UBR3: variants seen among roughly 807,000 people sequenced by gnomAD.
UBR3 encodes E3 ubiquitin-protein ligase UBR3.
UBR3 carries 85 observed loss-of-function variants against 243.2 expected under a neutral mutation model. That is an observed-to-expected ratio of 0.35 (90% CI 0.29 to 0.42). The LOEUF is 0.42. Among genes scored for constraint, UBR3 ranks in the 10% least tolerant of loss-of-function variants. The pLI is 1.00. For synonymous variants in UBR3, 748 were observed against 799.8 expected, an observed-to-expected ratio of 0.94 and a Z score of 1.09; for missense variants, 1,686 against 2,300.8, an observed-to-expected ratio of 0.73 and a Z score of 5.47.
At chr2:169,964,874 T>C in intron 24 of UBR3, 1 of 456,910 alleles carries the variant, frequency 2.2e-6, no homozygotes, top group South Asian at 1.5e-5. Flanking sequence ...GCAAATATGA[T>C]TGCTAGCAAA....
chr2:169,834,828 T>G (rs1362105988), intron 1 of UBR3, among the ~76,000 whole-genome samples: 1 of 152,210 alleles, frequency 6.6e-6, no homozygotes, highest in Non-Finnish European at 1.5e-5. Context: ...ATATTTAACC[T>G]TAAAAAGTAA....
intron 1 of UBR3, among the ~76,000 whole-genome samples, chr2:169,841,796 C>G (rs182708180): frequency 0.043 from 6,578 of 152,300 alleles, 162 homozygotes; most frequent in Middle Eastern, 0.068. Flanking sequence ...ACCTGCAGCC[C>G]GCCATGCCTA....
intron 23 of UBR3, 40 bp from the exon 24 acceptor site, chr2:169,958,398 G>A: frequency 6.3e-7 from 1 of 1,583,186 alleles, no homozygotes. Flanking sequence ...TAGGTCTTAA[G>A]CGCATCTGAT....
At chr2:169,916,380 G>C (rs2085465124) in intron 11 of UBR3, among the ~76,000 whole-genome samples, 1 of 151,954 alleles carries the variant, frequency 6.6e-6, no homozygotes, top group Non-Finnish European at 1.5e-5. Flanking sequence ...TCTCATCTCA[G>C]TTGCCTCTCT....
At chr2:169,961,287 A>G (rs957780) in intron 24 of UBR3, among the ~76,000 whole-genome samples, 26,197 of 151,960 alleles carry the variant, frequency 0.17, 2,476 homozygotes, top group Admixed American at 0.23. Context: ...ATTCTTACAT[A>G]TTAACGTCAT....
intron 24 of UBR3, among the ~76,000 whole-genome samples, chr2:169,975,596 A>G (rs1358918740): frequency 1.3e-5 from 2 of 152,062 alleles, no homozygotes; most frequent in East Asian, 1.9e-4. Context: ...CTTGATATCT[A>G]ATATTTGCTT....
At chr2:170,027,336 A>G (rs2090555498) in intron 30 of UBR3, among the ~76,000 whole-genome samples, 1 of 151,176 alleles carries the variant, frequency 6.6e-6, no homozygotes. Flanking sequence ...ATATAATATC[A>G]TCTTTCTGGT....
chr2:169,927,173 G>A (rs2085940889), intron 16 of UBR3, 147 bp from the exon 17 acceptor site: 4 of 937,232 alleles, frequency 4.3e-6, no homozygotes, highest in Admixed American at 5.6e-5. Context: ...CAGTTAAACT[G>A]CAGTTATGTT....
At chr2:169,999,611 T>G (rs1374038157) in intron 26 of UBR3, among the ~76,000 whole-genome samples, 2 of 152,252 alleles carry the variant, frequency 1.3e-5, no homozygotes, top group African/African-American at 4.8e-5. Flanking sequence ...GCCTTCATAT[T>G]GCTCTGGCCC....
At chr2:169,994,295 A>G in intron 25 of UBR3, 28 bp from the exon 26 acceptor site, 1 of 1,612,176 alleles carries the variant, frequency 6.2e-7, no homozygotes, top group Non-Finnish European at 8.5e-7. Flanking sequence ...ATTATTTTTG[A>G]TTAATGAGCT....
chr2:170,080,230 T>A, intron 37 of UBR3: 1 of 596,834 alleles, frequency 1.7e-6, no homozygotes, highest in Non-Finnish European at 2.8e-6. Context: ...AGTACAATTC[T>A]AGTTCTCCTT....
At chr2:169,847,863 A>G (rs2082534895) in intron 1 of UBR3, among the ~76,000 whole-genome samples, 1 of 152,204 alleles carries the variant, frequency 6.6e-6, no homozygotes, top group South Asian at 2.1e-4. Context: ...GGTAGTTTCC[A>G]TACAGTTATG....
At chr2:170,026,866 A>G (rs145771665) in intron 30 of UBR3, among the ~76,000 whole-genome samples, 3 of 152,144 alleles carry the variant, frequency 2.0e-5, no homozygotes, top group African/African-American at 7.2e-5. Flanking sequence ...TCTTCATCCT[A>G]CGTCTTTAAT....
intron 24 of UBR3, among the ~76,000 whole-genome samples, chr2:169,960,263 A>AT (rs1242393548): frequency 6.0e-5 from 9 of 149,836 alleles, no homozygotes; most frequent in African/African-American, 2.2e-4. Flanking sequence ...AAAAGATTGT[A>AT]TAAAATCACC....
At chr2:169,851,773 G>A (rs2082665562) in intron 1 of UBR3, among the ~76,000 whole-genome samples, 1 of 150,994 alleles carries the variant, frequency 6.6e-6, no homozygotes, top group South Asian at 2.1e-4. Context: ...GGGAGGCTGA[G>A]GTTGCAGTGA....
chr2:170,040,970 C>A lies in UBR3; in HGVS notation c.4645C>A (p.Gln1549Lys), dbSNP rs900464341. Residue 1549 changes from glutamine (Q) to lysine (K), a missense_variant, in exon 32 of 39, where the codon CAA becomes AAA. Physicochemically the swap from Gln to Lys is moderately conservative, Grantham distance 53 (BLOSUM62 1). This residue lies in a region of UBR3 where 371 missense variants were observed against 422.5 expected (regional missense o/e 0.88). Transcript: ENST00000272793. ...GCTCATCCAGATCTTAATGATGCCA[C>A]AACCCTTACGCAAAGGTATGTCTTT... ...LLLIQILMMP[Q>K]PLRKDHFTCI... The A allele has an allele frequency of 6.2e-7, 1 of 1,612,546 alleles. No homozygotes were observed. The highest frequency in any genetic ancestry group is 1.3e-5 in the African/African-American group (1 of 74,862).
intron 5 of UBR3, among the ~76,000 whole-genome samples, chr2:169,885,100 G>A (rs1280998396): frequency 6.6e-6 from 1 of 152,188 alleles, no homozygotes; most frequent in Non-Finnish European, 1.5e-5. Context: ...TTGAAATATA[G>A]TGAAGAGCTA....
intron 1 of UBR3, among the ~76,000 whole-genome samples, chr2:169,859,712 A>T (rs902921909): frequency 6.6e-6 from 1 of 150,722 alleles, no homozygotes; most frequent in African/African-American, 2.4e-5. Context: ...TTATTTATTT[A>T]TTTATTTATT....
intron 27 of UBR3, among the ~76,000 whole-genome samples, chr2:170,003,727 G>A (rs1034142172): frequency 2.6e-5 from 4 of 151,672 alleles, no homozygotes; most frequent in African/African-American, 9.7e-5. Context: ...TGCAAGCTCC[G>A]CCTTCCAGGT....
Sources: gnomAD v4.1 joint callset for allele counts (sites outside exome capture counted in the v4.1 genomes callset) on GRCh38, gnomAD v4.1.1 for gene constraint, gnomAD v4.1.1 regional missense constraint, MANE v1.5 for transcripts, NCBI Gene and HGNC (gene_info 2026-07-23, HGNC 2026-07-21) for gene names.